The following ODAD2 variants were observed in gnomAD, a reference collection of about 807,000 sequenced individuals.
ODAD2 encodes the protein outer dynein arm-docking complex subunit 2.
Under a neutral mutation model 106.8 loss-of-function variants are expected in ODAD2, and 89 were observed. That is an observed-to-expected ratio of 0.83 (90% CI 0.70 to 0.99). ODAD2 has a LOEUF of 0.99. Ranked by LOEUF, ODAD2 falls within the 50% of genes least tolerant of loss-of-function variation. The pLI, the probability that ODAD2 is intolerant of heterozygous loss-of-function variation, is 0.00. For missense variants in ODAD2, 1,168 were observed against 1,238.5 expected (o/e 0.94, Z 0.85); for synonymous variants, 404 against 436.2 (o/e 0.93, Z 0.92).
chr10:27,884,602 C>T (rs1042402011), intron 17 of ODAD2, among the ~76,000 whole-genome samples: 1 of 152,024 alleles, frequency 6.6e-6, no homozygotes. Context: ...AGACAGAACA[C>T]CATGGCAGAG....
intron 19 of ODAD2, among the ~76,000 whole-genome samples, chr10:27,824,538 A>AT (rs983528150): frequency 6.6e-6 from 1 of 152,134 alleles, no homozygotes; most frequent in Admixed American, 6.6e-5. Context: ...GTGAGAAATA[A>AT]TTTTTTTTCC....
chr10:27,883,979 AG>A (rs1361437859), intron 17 of ODAD2, among the ~76,000 whole-genome samples: 1 of 152,000 alleles, frequency 6.6e-6, no homozygotes, highest in Non-Finnish European at 1.5e-5. Context: ...TCTAGAAAAA[AG>A]GAGAAAGAGA....
intron 10 of ODAD2, among the ~76,000 whole-genome samples, chr10:27,953,117 A>G (rs1048361996): frequency 1.3e-5 from 2 of 152,196 alleles, no homozygotes; most frequent in Admixed American, 1.3e-4. Flanking sequence ...TAATAAATAT[A>G]TCCATCACCT....
chr10:27,956,547 G>C (rs1057484945), intron 10 of ODAD2, among the ~76,000 whole-genome samples: 3 of 152,198 alleles, frequency 2.0e-5, no homozygotes, highest in Non-Finnish European at 4.4e-5. Context: ...ATCTTATCCT[G>C]TAGTGACAGC....
At position 27,940,802 on chromosome 10, in the gene ODAD2, C is replaced by T; in HGVS notation, c.1747G>A (p.Ala583Thr). ...RQHGGITKLV[A>T]LLDCAHDSTK... ...GAATCATGTGCACAGTCTAGTAGAGCAACCTATAATAATAGATAAATCCAA... is the reference window on the plus strand; with the variant it reads ...GAATCATGTGCACAGTCTAGTAGAGTAACCTATAATAATAGATAAATCCAA... The change falls in exon 13 of 20, where the codon GCT becomes ACT. Residue 583 changes from alanine to threonine, a missense_variant. Physicochemically the swap from Ala to Thr is moderately conservative, Grantham distance 58. This residue lies in a region of ODAD2 where 701 missense variants were observed against 712.3 expected (regional missense o/e 0.98). Transcript: ENST00000305242. The T allele has an allele frequency of 6.2e-7, 1 of 1,611,722 alleles. No homozygotes were observed. Among genetic ancestry groups the T allele is most frequent in the Admixed American group, 1.7e-5 (1 of 59,766 alleles).
At chr10:27,843,020 A>G (rs1337778483) in intron 19 of ODAD2, among the ~76,000 whole-genome samples, 1 of 152,174 alleles carries the variant, frequency 6.6e-6, no homozygotes, top group East Asian at 1.9e-4. Context: ...TCCTTCATAA[A>G]TTTCTCAAGA....
intron 19 of ODAD2, among the ~76,000 whole-genome samples, chr10:27,832,857 G>A (rs1837589603): frequency 6.6e-6 from 1 of 152,078 alleles, no homozygotes; most frequent in Non-Finnish European, 1.5e-5. Flanking sequence ...TCATTTTACT[G>A]TGACCTAAGC....
At chr10:27,984,468 G>A (rs1169655685) in intron 4 of ODAD2, among the ~76,000 whole-genome samples, 178 bp from the exon 5 acceptor site, 1 of 152,136 alleles carries the variant, frequency 6.6e-6, no homozygotes, top group Non-Finnish European at 1.5e-5. Context: ...AGTGATTTAT[G>A]TTTAATGCAA....
At chr10:27,912,126 T>C (rs1029649844) in intron 16 of ODAD2, among the ~76,000 whole-genome samples, 1 of 152,210 alleles carries the variant, frequency 6.6e-6, no homozygotes, top group African/African-American at 2.4e-5. Context: ...GATGGGCTTA[T>C]AGGTGGTGTT....
chr10:27,910,245 C>T (rs1843902925), intron 16 of ODAD2, among the ~76,000 whole-genome samples: 1 of 152,148 alleles, frequency 6.6e-6, no homozygotes, highest in African/African-American at 2.4e-5. Context: ...TCATTCTGTT[C>T]ATGACACTAG....
rs12358191 is a variant in ODAD2, at chr10:27,885,777, A to T, written c.2610+21886T>A. ...TATATATTTTATATATATTATATAAAATATATATTATATATAATATATATA... is the reference window on the plus strand; with the variant it reads ...TATATATTTTATATATATTATATAATATATATATTATATATAATATATATA... On this transcript the variant is annotated intron_variant, in intron 17 of 19. Transcript: ENST00000305242. Among the ~76,000 whole-genome samples, 265 of 42,640 alleles carry T rather than the reference A, an allele frequency of 6.2e-3. 8 individuals are homozygous for T. The highest frequency in any genetic ancestry group is 0.022 in the African/African-American group (255 of 11,680). 28.0% of individuals were successfully genotyped at this position (42,640 alleles called of 152,430 possible). A position where few individuals can be genotyped will look rare whatever the true frequency, so the allele number is the denominator to read the frequency against.
At chr10:27,832,627 C>G (rs1299616933) in intron 19 of ODAD2, among the ~76,000 whole-genome samples, 1 of 152,094 alleles carries the variant, frequency 6.6e-6, no homozygotes, top group African/African-American at 2.4e-5. Context: ...CTGGCGGGCT[C>G]CTTTTGGTGT....
At position 27,866,835 on chromosome 10, in the gene ODAD2, C is replaced by A. The variant is rs114291159; in HGVS notation, c.2611-4213G>T. ...TCATAAGGGATCAGCCCCCATGACC[C>A]AAACTCCTCCCATTAGACCCCACTC... On this transcript the variant is annotated intron_variant, in intron 17 of 19. Coordinates refer to ENST00000305242, the MANE Select transcript of ODAD2 (RefSeq NM_018076.5). Among the ~76,000 whole-genome samples, 1,056 of 152,214 alleles carry A rather than the reference C, an allele frequency of 6.9e-3. 12 individuals are homozygous for A. The highest frequency in any genetic ancestry group is 0.024 in the African/African-American group (994 of 41,540).
intron 19 of ODAD2, among the ~76,000 whole-genome samples, chr10:27,848,724 A>G (rs1839000727): frequency 6.6e-6 from 1 of 152,150 alleles, no homozygotes; most frequent in Non-Finnish European, 1.5e-5. Flanking sequence ...AAAAAACTCC[A>G]TCAAAAAGTG....
At chr10:27,918,780 G>T (rs1469077443) in intron 16 of ODAD2, among the ~76,000 whole-genome samples, 3 of 151,634 alleles carry the variant, frequency 2.0e-5, no homozygotes, top group Non-Finnish European at 4.4e-5. Flanking sequence ...ATTTCTACAT[G>T]TAGAAAACCC....
intron 17 of ODAD2, among the ~76,000 whole-genome samples, chr10:27,885,914 T>C (rs868517857): frequency 3.6e-4 from 45 of 125,546 alleles, no homozygotes; most frequent in African/African-American, 1.3e-3. Flanking sequence ...AAAATATATA[T>C]ATATTTTTAT....
intron 9 of ODAD2, among the ~76,000 whole-genome samples, chr10:27,963,893 G>C (rs1272509621): frequency 6.6e-6 from 1 of 152,204 alleles, no homozygotes; most frequent in African/African-American, 2.4e-5. Flanking sequence ...CAATCTATGA[G>C]GTTGTCATTA....
At chr10:27,911,350 C>G (rs576601401) in intron 16 of ODAD2, among the ~76,000 whole-genome samples, 21 of 152,130 alleles carry the variant, frequency 1.4e-4, no homozygotes, top group Non-Finnish European at 2.1e-4. Context: ...CCAGGAATGA[C>G]AGCGCAAGTG....
chr10:27,827,998 A>G lies in ODAD2; in HGVS notation c.3022-15373T>C, dbSNP rs113583977. Among the ~76,000 whole-genome samples, 1,350 of 152,290 alleles carry G rather than the reference A, an allele frequency of 8.9e-3. 18 individuals carry two copies. Among genetic ancestry groups the G allele is most frequent in the African/African-American group, 0.031 (1,282 of 41,550 alleles). On this transcript the variant is annotated intron_variant, in intron 19 of 19. Coordinates refer to ENST00000305242, the MANE Select transcript of ODAD2 (RefSeq NM_018076.5). ...AGGAGATAAGGAGTCATCAGAGAGG[A>G]AGGGGAGAACCAGGAGGCCATGAAA...
Sources: gnomAD v4.1 joint callset for allele counts (sites outside exome capture counted in the v4.1 genomes callset) on GRCh38, gnomAD v4.1.1 for gene constraint, gnomAD v4.1.1 regional missense constraint, MANE v1.5 for transcripts, NCBI Gene and HGNC (gene_info 2026-07-23, HGNC 2026-07-21) for gene names.